IGFN1: variants seen among roughly 807,000 people sequenced by gnomAD.
The protein encoded by IGFN1 is immunoglobulin-like and fibronectin type III domain-containing protein 1.
A neutral mutation model predicts 289.5 loss-of-function variants in IGFN1; 253 were observed. That is an observed-to-expected ratio of 0.87 (90% CI 0.79 to 0.97). The LOEUF is 0.97. Among genes scored for constraint, IGFN1 ranks in the 50% least tolerant of loss-of-function variants. The pLI is 0.00. For synonymous variants in IGFN1, 1,706 were observed against 1,788.5 expected, an observed-to-expected ratio of 0.95 and a Z score of 1.16; for missense variants, 4,470 against 4,686.1, an observed-to-expected ratio of 0.95 and a Z score of 1.35.
At chr1:201,202,739 CCCTCCCTCCCTCCCTT>C (rs1350281020) in intron 9 of IGFN1, among the ~76,000 whole-genome samples, 52 of 107,780 alleles carry the variant, frequency 4.8e-4, no homozygotes, top group Admixed American at 1.4e-3. Flanking sequence ...CTCCCTCCCT[CCCTCCCTCCCTCCCTT>C]CCTTCCTTCC....
rs1485996459 is a variant in IGFN1 at position 201,200,223 on chromosome 1, G to A, written c.459-14G>A. On this transcript the variant is annotated splice_polypyrimidine_tract_variant and intron_variant, in intron 7 of 23. Transcript: ENST00000335211. ...GATTCCTCTGGCCTCTGACCTGCTA[G>A]CCTTGCTCCCCAGGGCCCCACCAGC... is the stretch of plus-strand genomic sequence containing the variant. 1.9e-6 allele frequency: 3 copies of A among 1,549,410 alleles called. No individual in the cohort carries two copies. Among genetic ancestry groups the A allele is most frequent in the Non-Finnish European group, 2.6e-6 (3 of 1,145,674 alleles).
At chr1:201,223,694 CTG>C (rs1558160876) in intron 20 of IGFN1, among the ~76,000 whole-genome samples, 2 of 152,152 alleles carry the variant, frequency 1.3e-5, no homozygotes, top group Non-Finnish European at 2.9e-5. Context: ...CTTAACATCT[CTG>C]TGTTTCACCT....
chr1:201,222,847 T>C lies in IGFN1; in HGVS notation c.10290+20T>C, dbSNP rs762456640. 1.9e-6 allele frequency: 3 copies of C among 1,581,490 alleles called. No homozygotes were observed. Among genetic ancestry groups the C allele is most frequent in the Non-Finnish European group, 2.6e-6 (3 of 1,153,540 alleles). On this transcript the variant is annotated intron_variant, in intron 20 of 23. Transcript: ENST00000335211. ...TTTGAAGTGAGTGTACCTGCAGGGGTGTGGGGAGGGAAGCCCAGAGAGGCC... is the reference window on the plus strand; with the variant it reads ...TTTGAAGTGAGTGTACCTGCAGGGGCGTGGGGAGGGAAGCCCAGAGAGGCC...
At chr1:201,199,420 G>T (rs1328798488) in intron 6 of IGFN1, 42 bp downstream of exon 6, 1 of 1,534,548 alleles carries the variant, frequency 6.5e-7, no homozygotes, top group Admixed American at 2.0e-5. Context: ...GCCTGTGGGG[G>T]ATAGGCTACT....
intron 5 of IGFN1, among the ~76,000 whole-genome samples, chr1:201,198,953 T>A (rs759457012): frequency 1.3e-5 from 2 of 152,230 alleles, no homozygotes; most frequent in African/African-American, 2.4e-5. Flanking sequence ...GCCTATACCC[T>A]GAAATGGCAG....
chr1:201,217,559 G>T, intron 17 of IGFN1, 99 bp downstream of exon 17: 2 of 1,289,874 alleles, frequency 1.6e-6, no homozygotes, highest in East Asian at 4.8e-5. Flanking sequence ...AGTCGTTCTC[G>T]TCTAGGGTGG....
At chr1:201,215,281 A>C (rs1571477912) in intron 14 of IGFN1, 127 bp downstream of exon 14, 1 of 1,110,060 alleles carries the variant, frequency 9.0e-7, no homozygotes, top group East Asian at 2.6e-5. Flanking sequence ...TCTCATCCCC[A>C]GAGAAGATGA....
In IGFN1 at chr1:201,209,022, G is replaced by C; in HGVS notation, c.4129G>C (p.Asp1377His). The C allele has an allele frequency of 2.0e-6, 3 of 1,536,846 alleles. No individual in the cohort carries two copies. The highest frequency in any genetic ancestry group is 2.6e-6 in the Non-Finnish European group (3 of 1,146,824). Residue 1377 changes from aspartate (D) to histidine (H), a missense_variant, in exon 12 of 24, where the codon GAT (aspartate) becomes CAT (histidine). Transcript: ENST00000335211. ...GGAAATCGGGTCAATGGATGAAACA[G>C]ATAATAGGAAAGATTTGGGGGTTCC... ...SREIGSMDET[D>H]NRKDLGVPEG...
intron 10 of IGFN1, among the ~76,000 whole-genome samples, chr1:201,204,362 A>T (rs1667303211): frequency 6.6e-6 from 1 of 151,810 alleles, no homozygotes; most frequent in Non-Finnish European, 1.5e-5. Context: ...AGGAACTGAC[A>T]CTCCTCCTTC....
At chr1:201,215,178 C>T (rs1653142009) in intron 14 of IGFN1, 24 bp downstream of exon 14, 10 of 1,604,346 alleles carry the variant, frequency 6.2e-6, no homozygotes, top group Non-Finnish European at 8.5e-6. Context: ...CTGCCCTGCC[C>T]TGCCCTGTCC....
intron 9 of IGFN1, 119 bp downstream of exon 9, chr1:201,201,951 G>A: frequency 1.6e-6 from 1 of 643,074 alleles, no homozygotes; most frequent in South Asian, 1.8e-5. Flanking sequence ...CACAAGTGGT[G>A]AGCCCCTCAT....
At position 201,211,683 on chromosome 1, in the gene IGFN1, A is replaced by T; in HGVS notation, c.6790A>T (p.Ser2264Cys). The T allele has an allele frequency of 6.5e-7, 1 of 1,537,012 alleles. No homozygotes were observed. The highest frequency in any genetic ancestry group is 8.7e-7 in the Non-Finnish European group (1 of 1,146,782). ...AGCTCCTGAGGAAATGGGTTCAGGC[A>T]GTTACACAGATTACAGGAATGGTTT... is the stretch of plus-strand genomic sequence containing the variant. Reference protein sequence around the residue: ...LGAPEEMGSGSYTDYRNGLGS... With the variant: ...LGAPEEMGSGCYTDYRNGLGS... The change falls in exon 12 of 24, where the codon AGT becomes TGT. Residue 2264 changes from serine (S) to cysteine (C), a missense_variant. Ser to Cys is a moderately radical substitution (Grantham distance 112). Coordinates refer to ENST00000335211, the MANE Select transcript of IGFN1 (RefSeq NM_001164586.2).
chr1:201,221,802 G>A (rs1289862166), intron 19 of IGFN1, 56 bp downstream of exon 19: 10 of 1,473,400 alleles, frequency 6.8e-6, no homozygotes, highest in Non-Finnish European at 9.1e-6. Context: ...CCTAAGAGGG[G>A]GCCCCTGAGT....
Position 201,195,929 on chromosome 1 carries a change from G to A in IGFN1, c.218G>A (p.Ser73Asn). 6.4e-7 allele frequency: 1 copy of A among 1,551,848 alleles called. No homozygotes were observed. Among genetic ancestry groups the A allele is most frequent in the Non-Finnish European group, 8.7e-7 (1 of 1,147,028 alleles). ...QNSKGDLSDS[S>N]KYKISSSPGS... The stretch of plus-strand genomic sequence containing the variant: ...TCCAAAGGTGACCTCAGTGATTCCA[G>A]CAAGTACAAGATCTCCTCCAGCCCT... Residue 73 changes from serine (S) to asparagine (N), a missense_variant, in exon 4 of 24, where the codon AGC becomes AAC. Transcript: ENST00000335211.
At position 201,216,321 on chromosome 1, in the gene IGFN1, T is replaced by C. The variant is rs890977887; in HGVS notation, c.9296-133T>C. ...AAGGCTCTCTGGACAGTCTGCCCCATTGCAGGCTTATCTGCTGATGAGTGG... is the reference window on the plus strand; with the variant it reads ...AAGGCTCTCTGGACAGTCTGCCCCACTGCAGGCTTATCTGCTGATGAGTGG... On this transcript the variant is annotated intron_variant, in intron 15 of 23. Coordinates refer to ENST00000335211, the MANE Select transcript of IGFN1 (RefSeq NM_001164586.2). The C allele has an allele frequency of 4.3e-6, 3 of 693,766 alleles. No individual in the cohort carries two copies. In the East Asian group the frequency reaches 8.4e-5, roughly 19 times the overall value. The allele number at this position is 693,766 out of a possible 1,614,324, so 43.0% of individuals were successfully genotyped here. A position where few individuals can be genotyped will look rare whatever the true frequency, so the allele number is the denominator to read the frequency against.
At position 201,197,223 on chromosome 1, in the gene IGFN1, C is replaced by T. The variant is rs773009696; in HGVS notation, c.273C>T (p.Asn91=). The T allele has an allele frequency of 2.6e-6, 4 of 1,549,516 alleles. No homozygotes were observed. Among genetic ancestry groups the T allele is most frequent in the Admixed American group, 2.0e-5 (1 of 50,978 alleles). ...PGSKEHVLQI[N]KLTGEDTDLY... ...TGCCCTTGGCCTCTCTGCAGATCAA[C>T]AAGCTGACAGGCGAGGACACGGATC... Residue 91 remains asparagine, a synonymous_variant, in exon 5 of 24, where the codon AAC becomes AAT. Transcript: ENST00000335211.
intron 15 of IGFN1, chr1:201,216,144 G>A: frequency 1.6e-6 from 1 of 633,558 alleles, no homozygotes; most frequent in Non-Finnish European, 2.9e-6. Flanking sequence ...GTGCCAGCAA[G>A]GTAGGACTGC....
At chr1:201,195,058 C>A (rs142978902) in intron 3 of IGFN1, among the ~76,000 whole-genome samples, 1 of 152,102 alleles carries the variant, frequency 6.6e-6, no homozygotes, top group Non-Finnish European at 1.5e-5. Flanking sequence ...GTCTCAGCAC[C>A]GGATCCTTCG....
At chr1:201,216,383 G>A (rs1474528004) in intron 15 of IGFN1, 71 bp from the exon 16 acceptor site, 1 of 1,277,252 alleles carries the variant, frequency 7.8e-7, no homozygotes, top group African/African-American at 1.5e-5. Flanking sequence ...CGGGGAGTTG[G>A]GGGGGTTGGC....
Sources: allele counts gnomAD v4.1 joint callset (sites outside exome capture counted in the v4.1 genomes callset), GRCh38; gene constraint gnomAD v4.1.1; transcripts MANE v1.5; gene names NCBI Gene and HGNC (gene_info 2026-07-23, HGNC 2026-07-21).